RBFOX1: variants seen among roughly 807,000 people sequenced by gnomAD.
The protein encoded by RBFOX1 is RNA binding protein fox-1 homolog 1.
A neutral mutation model predicts 57.7 loss-of-function variants in RBFOX1; 8 were observed. The ratio of observed to expected loss-of-function variants is 0.14; its 90% CI spans 0.08 to 0.25. The LOEUF is 0.25. Among genes scored for constraint, RBFOX1 ranks in the 10% least tolerant of loss-of-function variants. RBFOX1 has a pLI of 1.00. For missense variants in RBFOX1, 611 were observed against 548.5 expected (o/e 1.11, Z -1.14); for synonymous variants, 326 against 222.4 (o/e 1.47, Z -4.15).
chr16:7,552,519 A>G (rs1601642022), intron 5 of RBFOX1, among the ~76,000 whole-genome samples: 1 of 152,180 alleles, frequency 6.6e-6, no homozygotes, highest in East Asian at 1.9e-4. Context: ...GTTAATTGAT[A>G]ATGATGCTTT....
chr16:6,204,724 G>C (rs1331401361), intron 1 of RBFOX1, among the ~76,000 whole-genome samples: 1 of 152,026 alleles, frequency 6.6e-6, no homozygotes, highest in Non-Finnish European at 1.5e-5. Context: ...CAGTGTGAAG[G>C]GGTTGATTTC....
chr16:7,349,095 C>T (rs1450762134), intron 4 of RBFOX1, among the ~76,000 whole-genome samples: 1 of 152,094 alleles, frequency 6.6e-6, no homozygotes, highest in African/African-American at 2.4e-5. Flanking sequence ...ATTTCATGAC[C>T]ACGATGGAGG....
At chr16:6,675,324 G>C (rs574399258) in intron 3 of RBFOX1, among the ~76,000 whole-genome samples, 2 of 152,230 alleles carry the variant, frequency 1.3e-5, no homozygotes, top group East Asian at 1.9e-4. Flanking sequence ...CTAAATGTAG[G>C]TGCTCTTGCA....
intron 3 of RBFOX1, among the ~76,000 whole-genome samples, chr16:5,612,661 C>G (rs1306180238): frequency 6.6e-6 from 1 of 152,186 alleles, no homozygotes; most frequent in Non-Finnish European, 1.5e-5. Context: ...ATAGAGCATT[C>G]TAGACAGAGG....
chr16:5,275,996 A>G (rs1393461190), intron 1 of RBFOX1, among the ~76,000 whole-genome samples: 3 of 152,198 alleles, frequency 2.0e-5, no homozygotes, highest in Non-Finnish European at 4.4e-5. Context: ...AAAAGAATAA[A>G]ACTGGATCCT....
At chr16:7,257,515 C>T (rs887145709) in intron 4 of RBFOX1, among the ~76,000 whole-genome samples, 16 of 152,128 alleles carry the variant, frequency 1.1e-4, no homozygotes, top group Non-Finnish European at 2.1e-4. Flanking sequence ...CTTAATGAGC[C>T]GGTAGCCCAT....
chr16:5,914,312 G>A (rs769914273), intron 4 of RBFOX1, among the ~76,000 whole-genome samples: 5 of 152,074 alleles, frequency 3.3e-5, no homozygotes, highest in Non-Finnish European at 7.4e-5. Flanking sequence ...ATTTTTGTTG[G>A]GTCAGAAATT....
chr16:6,919,099 C>A (rs1238521907), intron 3 of RBFOX1, among the ~76,000 whole-genome samples: 1 of 152,126 alleles, frequency 6.6e-6, no homozygotes, highest in Admixed American at 6.6e-5. Flanking sequence ...CCTGTCTCAG[C>A]CTACTGAGTA....
At chr16:6,993,012 T>C (rs1568269789) in intron 3 of RBFOX1, among the ~76,000 whole-genome samples, 1 of 152,184 alleles carries the variant, frequency 6.6e-6, no homozygotes, top group Non-Finnish European at 1.5e-5. Context: ...GGAATAGTTC[T>C]TGTCTGAATT....
At chr16:5,467,196 C>CTCTTT (rs1555527583) in intron 1 of RBFOX1, 15 of 1,057,914 alleles carry the variant, frequency 1.4e-5, no homozygotes, top group South Asian at 5.7e-5. Context: ...CTCTCTCTCT[C>CTCTTT]TTTTTTTTTT....
chr16:7,060,861 A>G (rs531557436), intron 4 of RBFOX1, among the ~76,000 whole-genome samples: 24 of 152,198 alleles, frequency 1.6e-4, no homozygotes, highest in Non-Finnish European at 3.2e-4. Flanking sequence ...GTAAGCATGA[A>G]TACCATTCTT....
intron 3 of RBFOX1, among the ~76,000 whole-genome samples, chr16:5,655,019 G>C (rs749103122): frequency 6.6e-6 from 1 of 152,148 alleles, no homozygotes; most frequent in South Asian, 2.1e-4. Context: ...TCCAGCCTAC[G>C]CTTCCTACCC....
intron 3 of RBFOX1, among the ~76,000 whole-genome samples, chr16:5,845,178 C>A (rs2056724265): frequency 6.6e-6 from 1 of 151,208 alleles, no homozygotes; most frequent in Admixed American, 6.6e-5. Context: ...AGATGTAGGA[C>A]AGCAAAATTT....
At chr16:6,690,718 C>T (rs2060083317) in intron 3 of RBFOX1, among the ~76,000 whole-genome samples, 1 of 150,540 alleles carries the variant, frequency 6.6e-6, no homozygotes, top group Admixed American at 6.7e-5. Context: ...TTTCTAACTC[C>T]AGGATATTTC....
intron 4 of RBFOX1, among the ~76,000 whole-genome samples, chr16:5,915,619 G>C (rs1469065476): frequency 6.6e-6 from 1 of 152,120 alleles, no homozygotes; most frequent in South Asian, 2.1e-4. Flanking sequence ...ATCACCTGAG[G>C]TCAGGAGTTT....
intron 2 of RBFOX1, among the ~76,000 whole-genome samples, chr16:5,590,768 G>A (rs528631033): frequency 2.2e-4 from 34 of 152,324 alleles, no homozygotes; most frequent in Non-Finnish European, 4.0e-4. Flanking sequence ...GGATTTGCCA[G>A]CTTGCCTGGA....
At chr16:7,256,826 C>G (rs1182729448) in intron 4 of RBFOX1, among the ~76,000 whole-genome samples, 2 of 152,186 alleles carry the variant, frequency 1.3e-5, no homozygotes, top group Non-Finnish European at 2.9e-5. Flanking sequence ...GTTCTACGCA[C>G]ACATCTTTGC....
At chr16:6,521,161 G>A (rs148984203) in intron 2 of RBFOX1, among the ~76,000 whole-genome samples, 122 of 152,194 alleles carry the variant, frequency 8.0e-4, no homozygotes, top group African/African-American at 2.8e-3. Flanking sequence ...GTGAATAAAT[G>A]GGAGAAGAAA....
intron 10 of RBFOX1, among the ~76,000 whole-genome samples, chr16:7,616,845 A>T (rs1044462559): frequency 2.0e-5 from 3 of 152,120 alleles, no homozygotes; most frequent in Admixed American, 2.0e-4. Context: ...AAATAGTTTT[A>T]TCAGGCAGAT....
Sources: allele counts gnomAD v4.1 joint callset (sites outside exome capture counted in the v4.1 genomes callset), GRCh38; gene constraint gnomAD v4.1.1; transcripts MANE v1.5; gene names NCBI Gene and HGNC (gene_info 2026-07-23, HGNC 2026-07-21).